The following CTNNBIP1 variants were observed in gnomAD, a reference collection of about 807,000 sequenced individuals.
CTNNBIP1 encodes the protein catenin beta interacting protein 1, also known as beta-catenin-interacting protein 1.
A neutral mutation model predicts 11.8 loss-of-function variants in CTNNBIP1; 7 were observed. That is an observed-to-expected ratio of 0.60 (90% CI 0.34 to 1.12). CTNNBIP1 has a LOEUF of 1.12. CTNNBIP1 is among the 50% of genes most tolerant of loss of function. The pLI, the probability that CTNNBIP1 is intolerant of heterozygous loss-of-function variation, is 0.03. For synonymous variants in CTNNBIP1, 58 were observed against 43.9 expected (o/e 1.32, Z -1.26); for missense variants, 101 against 113.4 (o/e 0.89, Z 0.50).
rs2101481005 is a variant in CTNNBIP1 at position 9,871,968 on chromosome 1, C to T, written c.96+1G>A. The stretch of plus-strand genomic sequence containing the variant: ...CTGCCTGACACCCCACAGGCACTCA[C>T]GTTTGATCCCATCTTCCGCAGCATG... On this transcript the variant is annotated splice_donor_variant, in intron 4 of 5. Coordinates refer to ENST00000377263, the MANE Select transcript of CTNNBIP1 (RefSeq NM_020248.3). LOFTEE classifies it high-confidence loss of function. This position sits in a 1 kb window ranked among gnomAD's most constrained non-coding sequence, Gnocchi z 5.2. 1.9e-6 allele frequency: 3 copies of T among 1,613,854 alleles called. No homozygotes were observed. Among genetic ancestry groups the T allele is most frequent in the Admixed American group, 1.7e-5 (1 of 60,024 alleles).
chr1:9,900,448 T>C (rs1348919254), intron 1 of CTNNBIP1, among the ~76,000 whole-genome samples: 1 of 152,198 alleles, frequency 6.6e-6, no homozygotes, highest in African/African-American at 2.4e-5. Context: ...ATCTGAGTGC[T>C]CTTGCCAGTG....
Position 9,910,231 on chromosome 1 carries a change from G to A in CTNNBIP1, c.-280C>T. ...AGCAGCAGCAGGAGCGGCCGCCTCA[G>A]CCTCCGCCTCCCGCTCCGAGAGTCA... is the stretch of plus-strand genomic sequence containing the variant. On this transcript the variant is annotated 5_prime_UTR_variant, in exon 1 of 6. Coordinates refer to ENST00000377263, the MANE Select transcript of CTNNBIP1 (RefSeq NM_020248.3). 6.8e-6 allele frequency: 1 copy of A among 147,392 alleles called. No individual in the cohort carries two copies. The highest frequency in any genetic ancestry group is 1.9e-4 in the East Asian group (1 of 5,132). 9.1% of individuals were successfully genotyped at this position (147,392 alleles called of 1,614,324 possible).
chr1:9,873,532 T>G (rs1308623635), intron 3 of CTNNBIP1, among the ~76,000 whole-genome samples: 1 of 149,222 alleles, frequency 6.7e-6, no homozygotes, highest in Non-Finnish European at 1.5e-5. Flanking sequence ...TCCACTTCAC[T>G]AGATGTGGAG....
At chr1:9,884,011 G>GGAGGAA (rs1570585551) in intron 1 of CTNNBIP1, among the ~76,000 whole-genome samples, 3 of 152,272 alleles carry the variant, frequency 2.0e-5, no homozygotes, top group East Asian at 3.9e-4. Flanking sequence ...AGGAGGAGGA[G>GGAGGAA]GGCAGGGAGC....
rs1451844449 is a variant in CTNNBIP1, at chr1:9,871,233, C to T, written c.141G>A (p.Val47=). The T allele has an allele frequency of 1.3e-6, 2 of 1,582,150 alleles. No homozygotes were observed. The highest frequency in any genetic ancestry group is 1.7e-6 in the Non-Finnish European group (2 of 1,164,974). The change falls in exon 5 of 6, where the codon GTG becomes GTA. Residue 47 remains valine, a synonymous_variant. Coordinates refer to ENST00000377263, the MANE Select transcript of CTNNBIP1 (RefSeq NM_020248.3). This position sits in a 1 kb window ranked among gnomAD's most constrained non-coding sequence, Gnocchi z 5.2. ...EEEFLRTYAG[V]VNSQLSQLPP... Reference sequence around the variant, plus strand: ...GCAGCTGGCTGAGCTGGCTGTTGACCACCCCTGCATAGGTGCGCAGGAACT... The same window carrying T: ...GCAGCTGGCTGAGCTGGCTGTTGACTACCCCTGCATAGGTGCGCAGGAACT...
At chr1:9,860,020 G>A (rs1638588842) in intron 5 of CTNNBIP1, among the ~76,000 whole-genome samples, 1 of 152,198 alleles carries the variant, frequency 6.6e-6, no homozygotes, top group African/African-American at 2.4e-5. Context: ...GGAGGGACAA[G>A]CTGACCTCTT....
rs1023904356 is a variant in CTNNBIP1, at chr1:9,902,455, T to G, written c.-144+7640A>C. The stretch of plus-strand genomic sequence containing the variant: ...GTGGGAAGGGAGTTCTTGCTAACCA[T>G]GGCTCCTGAGGTGTGCACTGTTTCT... On this transcript the variant is annotated intron_variant, in intron 1 of 5. Coordinates refer to ENST00000377263, the MANE Select transcript of CTNNBIP1 (RefSeq NM_020248.3). Among the ~76,000 whole-genome samples the G allele has an allele frequency of 8.5e-5, 13 of 152,346 alleles. No homozygotes were observed. The East Asian group carries it at 1.9e-3, about 23-fold the overall frequency.
intron 1 of CTNNBIP1, among the ~76,000 whole-genome samples, chr1:9,892,420 T>TA (rs764342054): frequency 0.077 from 8,639 of 112,236 alleles, 875 homozygotes; most frequent in African/African-American, 0.24. Flanking sequence ...AGACTCCGTC[T>TA]AAAAAAAAAA....
intron 2 of CTNNBIP1, among the ~76,000 whole-genome samples, chr1:9,882,212 A>G (rs1639097311): frequency 6.6e-6 from 1 of 152,156 alleles, no homozygotes; most frequent in Non-Finnish European, 1.5e-5. Flanking sequence ...GGTAGAGAGA[A>G]AGGGGAAGGC....
At chr1:9,886,316 T>G (rs1469174778) in intron 1 of CTNNBIP1, among the ~76,000 whole-genome samples, 1 of 152,166 alleles carries the variant, frequency 6.6e-6, no homozygotes, top group Non-Finnish European at 1.5e-5. Context: ...TGTCTGCACA[T>G]TGCAGAAGCT....
At position 9,902,430 on chromosome 1, in the gene CTNNBIP1, G is replaced by A. The variant is rs74418269; in HGVS notation, c.-144+7665C>T. On this transcript the variant is annotated intron_variant, in intron 1 of 5. Coordinates refer to ENST00000377263, the MANE Select transcript of CTNNBIP1 (RefSeq NM_020248.3). ...AACAGTCAAAGGGTTAAGGCTTTAA[G>A]TGGGAAGGGAGTTCTTGCTAACCAT... Among the ~76,000 whole-genome samples the A allele has an allele frequency of 9.5e-3, 1,447 of 152,340 alleles. 11 individuals are homozygous for A. Among genetic ancestry groups the A allele is most frequent in the Non-Finnish European group, 0.014 (953 of 68,026 alleles).
In CTNNBIP1 at chr1:9,883,798, C is replaced by G. The variant is rs1435620446; in HGVS notation, c.-143-60G>C. On this transcript the variant is annotated intron_variant, in intron 1 of 5. Coordinates refer to ENST00000377263, the MANE Select transcript of CTNNBIP1 (RefSeq NM_020248.3). The surrounding 1 kb of genome is among the most constrained non-coding windows in gnomAD (Gnocchi z 5.6). The stretch of plus-strand genomic sequence containing the variant: ...GTCCTTTCCCAGGTGCCCTGGCCCC[C>G]ACTTGCTCTGCCTGAGAGCTGTGCT... 1 of 153,324 alleles carries G rather than the reference C, an allele frequency of 6.5e-6. No homozygotes were observed. The highest frequency in any genetic ancestry group is 1.5e-5 in the Non-Finnish European group (1 of 68,390). The allele number at this position is 153,324 out of a possible 1,614,324, so 9.5% of individuals were successfully genotyped here.
chr1:9,895,097 C>T (rs1215554158), intron 1 of CTNNBIP1, among the ~76,000 whole-genome samples: 1 of 150,868 alleles, frequency 6.6e-6, no homozygotes, highest in East Asian at 2.0e-4. Context: ...TTAGTAGAGA[C>T]AGGGTTTCAC....
At chr1:9,887,595 C>T (rs898490175) in intron 1 of CTNNBIP1, among the ~76,000 whole-genome samples, 17 of 151,780 alleles carry the variant, frequency 1.1e-4, no homozygotes, top group East Asian at 3.9e-4. Context: ...CCCAGCTACT[C>T]GGGAGGCTGA....
chr1:9,884,186 G>C (rs1639138296), intron 1 of CTNNBIP1, among the ~76,000 whole-genome samples: 1 of 152,116 alleles, frequency 6.6e-6, no homozygotes, highest in Admixed American at 6.5e-5. Flanking sequence ...TGGGCCAGAG[G>C]GGAGGACCAG....
chr1:9,900,460 A>G (rs1272645534), intron 1 of CTNNBIP1, among the ~76,000 whole-genome samples: 1 of 152,240 alleles, frequency 6.6e-6, no homozygotes, highest in African/African-American at 2.4e-5. Flanking sequence ...TTGCCAGTGC[A>G]GTGCGGTGCC....
chr1:9,849,436 CCA>C lies in CTNNBIP1; in HGVS notation c.*1280_*1281del, dbSNP rs753621893. The C allele has an allele frequency of 6.6e-6, 1 of 152,346 alleles. No homozygotes were observed. The highest frequency in any genetic ancestry group is 1.5e-5 in the Non-Finnish European group (1 of 68,166). 9.4% of individuals were successfully genotyped at this position (152,346 alleles called of 1,614,324 possible). A position where few individuals can be genotyped will look rare whatever the true frequency, so the allele number is the denominator to read the frequency against. On this transcript the variant is annotated 3_prime_UTR_variant, in exon 6 of 6. Transcript: ENST00000377263. The stretch of plus-strand genomic sequence containing the variant: ...GGCATGGGCCTCCGATGAGAGAACT[CCA>C]GAGCTGGCCGGGACCTACTGTGCTG...
intron 1 of CTNNBIP1, among the ~76,000 whole-genome samples, chr1:9,887,554 T>C (rs772368011): frequency 1.3e-5 from 2 of 151,922 alleles, no homozygotes; most frequent in Non-Finnish European, 2.9e-5. Flanking sequence ...ATTACAAAAA[T>C]TAGCTGGGCA....
intron 3 of CTNNBIP1, among the ~76,000 whole-genome samples, chr1:9,873,592 G>C (rs994494649): frequency 1.3e-5 from 2 of 152,154 alleles, no homozygotes; most frequent in Admixed American, 6.5e-5. Context: ...GGTGAACCTT[G>C]CACCCCGAAC....
Sources: allele counts gnomAD v4.1 joint callset (sites outside exome capture counted in the v4.1 genomes callset), GRCh38; gene constraint gnomAD v4.1.1; non-coding constraint Gnocchi (gnomAD v3.1); transcripts MANE v1.5; gene names NCBI Gene and HGNC (gene_info 2026-07-23, HGNC 2026-07-21).